The following SRSF11 variants were observed in gnomAD, a reference collection of about 807,000 sequenced individuals.
SRSF11 encodes the protein serine/arginine-rich splicing factor 11.
SRSF11 carries 9 observed loss-of-function variants against 56.0 expected under a neutral mutation model. The observed-to-expected ratio is 0.16, with a 90% CI of 0.10 to 0.28. The LOEUF (loss-of-function observed/expected upper bound fraction) is 0.28, where lower values mean the gene tolerates loss of function less well. Ranked by LOEUF, SRSF11 falls within the 10% of genes least tolerant of loss-of-function variation. SRSF11 has a pLI of 1.00. For missense variants in SRSF11, 421 were observed against 600.7 expected (o/e 0.70, Z 3.13); for synonymous variants, 222 against 215.3 (o/e 1.03, Z -0.27).
At chr1:70,221,302 G>T, upstream of SRSF11, 1 of 311,750 alleles carries the variant, frequency 3.2e-6, no homozygotes, top group Non-Finnish European at 5.9e-6. Flanking sequence ...TGCAGGCGAC[G>T]GCTGCTGGGC....
chr1:70,228,405 A>G lies in SRSF11; in HGVS notation c.204-17A>G, dbSNP rs749248871. On this transcript the variant is annotated splice_polypyrimidine_tract_variant and intron_variant, in intron 1 of 11. Coordinates refer to ENST00000370949, the MANE Select transcript of SRSF11 (RefSeq NM_001350605.2). Reference sequence around the variant, plus strand: ...TGCTATTCTGTTTCTCTTTTATGTTATTTGTTTATTTTTTAGTGATTCGCC... The same window carrying G: ...TGCTATTCTGTTTCTCTTTTATGTTGTTTGTTTATTTTTTAGTGATTCGCC... 12 of 1,582,158 alleles carry G rather than the reference A, an allele frequency of 7.6e-6. No individual in the cohort carries two copies. The highest frequency in any genetic ancestry group is 4.5e-5 in the East Asian group (2 of 44,384).
upstream of SRSF11, chr1:70,221,268 C>G (rs1670530636): frequency 7.6e-6 from 2 of 261,938 alleles, no homozygotes; most frequent in Non-Finnish European, 1.4e-5. Flanking sequence ...TTCTCTAGAC[C>G]CCGGTGCCTC....
chr1:70,218,066 G>A (rs911546591), upstream of SRSF11, among the ~76,000 whole-genome samples: 5 of 151,998 alleles, frequency 3.3e-5, no homozygotes, highest in African/African-American at 7.2e-5. Context: ...CTCGGTTCAC[G>A]CCATTCTCCC....
intron 1 of SRSF11, among the ~76,000 whole-genome samples, chr1:70,225,956 T>G (rs1381255670): frequency 6.6e-6 from 1 of 152,190 alleles, no homozygotes; most frequent in African/African-American, 2.4e-5. Flanking sequence ...ATTAGGAGGC[T>G]GAGGCGGGTG....
chr1:70,241,326 T>C (rs191693687), intron 7 of SRSF11, among the ~76,000 whole-genome samples: 65 of 152,318 alleles, frequency 4.3e-4, no homozygotes, highest in African/African-American at 1.5e-3. Flanking sequence ...TCAGAGATGA[T>C]CTTTTCACTC....
chr1:70,246,342 G>A (rs1164217341), intron 8 of SRSF11, among the ~76,000 whole-genome samples: 1 of 152,034 alleles, frequency 6.6e-6, no homozygotes, highest in Admixed American at 6.6e-5. Context: ...CATAATAGCC[G>A]CAGAAAAAGA....
In SRSF11 at chr1:70,251,269, T is replaced by C. The variant is rs999095418; in HGVS notation, c.*464T>C. Reference sequence around the variant, plus strand: ...TCCTCCAACATGATGGATCTACTTATGGTCTTGTTTGTTGACATGACAAAT... The same window carrying C: ...TCCTCCAACATGATGGATCTACTTACGGTCTTGTTTGTTGACATGACAAAT... On this transcript the variant is annotated 3_prime_UTR_variant, in exon 12 of 12. Coordinates refer to ENST00000370949, the MANE Select transcript of SRSF11 (RefSeq NM_001350605.2). 5 of 156,772 alleles carry C rather than the reference T, an allele frequency of 3.2e-5. No homozygotes were observed. Among genetic ancestry groups the C allele is most frequent in the Admixed American group, 1.9e-4 (3 of 16,186 alleles). 9.7% of individuals were successfully genotyped at this position (156,772 alleles called of 1,614,324 possible). A position where few individuals can be genotyped will look rare whatever the true frequency, so the allele number is the denominator to read the frequency against.
At chr1:70,216,188 G>T (rs1669983083) in intron 1 of SRSF11, among the ~76,000 whole-genome samples, 1 of 152,176 alleles carries the variant, frequency 6.6e-6, no homozygotes, top group Non-Finnish European at 1.5e-5. Flanking sequence ...GGACTAAGAG[G>T]ATTAGTATTG....
chr1:70,219,556 T>A (rs1670324123), upstream of SRSF11, among the ~76,000 whole-genome samples: 7 of 152,194 alleles, frequency 4.6e-5, no homozygotes, highest in Admixed American at 4.6e-4. Flanking sequence ...AACCCATGGA[T>A]ACAGATCAAA....
intron 7 of SRSF11, among the ~76,000 whole-genome samples, chr1:70,240,653 T>A (rs1031403627): frequency 1.3e-5 from 2 of 152,196 alleles, no homozygotes; most frequent in African/African-American, 2.4e-5. Flanking sequence ...CCTAGTTGCA[T>A]CCTAGTTCTT....
Position 70,237,537 on chromosome 1 carries a change from G to A in SRSF11, c.703G>A (p.Ala235Thr). 1.9e-6 allele frequency: 3 copies of A among 1,613,328 alleles called. No individual in the cohort carries two copies. The highest frequency in any genetic ancestry group is 2.5e-6 in the Non-Finnish European group (3 of 1,179,842). ...ACGAGAAGCACAGTCCCTAATTTCTGCTGCTATAGAACCAGGTAAACAATG... is the reference window on the plus strand; with the variant it reads ...ACGAGAAGCACAGTCCCTAATTTCTACTGCTATAGAACCAGGTAAACAATG... ...RVREAQSLIS[A>T]AIEPDKKEEK... is the part of the protein sequence containing the mutation. Residue 235 changes from alanine (A) to threonine (T), a missense_variant, in exon 6 of 12, where the codon GCT (alanine) becomes ACT (threonine). By Grantham distance (58) the Ala-to-Thr change is moderately conservative. Transcript: ENST00000370949.
chr1:70,237,322 A>T (rs1674347358), intron 5 of SRSF11, 103 bp from the exon 6 acceptor site: 1 of 1,437,234 alleles, frequency 7.0e-7, no homozygotes, highest in African/African-American at 1.5e-5. Flanking sequence ...CCTTTTTTTG[A>T]AGGAATATTT....
rs1370034879 is a variant in SRSF11 at position 70,244,824 on chromosome 1, T to C, written c.932+9T>C. On this transcript the variant is annotated intron_variant, in intron 8 of 11. Transcript: ENST00000370949. ...AGCACATCAAAAACAAGGTATAGCATTGGGTGAGAAAGCAAATTTTAGGGT... is the reference window on the plus strand; with the variant it reads ...AGCACATCAAAAACAAGGTATAGCACTGGGTGAGAAAGCAAATTTTAGGGT... 6 of 1,613,404 alleles carry C rather than the reference T, an allele frequency of 3.7e-6. No homozygotes were observed. Among genetic ancestry groups the C allele is most frequent in the Non-Finnish European group, 4.2e-6 (5 of 1,179,622 alleles).
At chr1:70,246,597 G>A in intron 8 of SRSF11, 1 of 355,674 alleles carries the variant, frequency 2.8e-6, no homozygotes, top group Non-Finnish European at 5.1e-6. Flanking sequence ...GTCTACTTTA[G>A]TCTACTTGGG....
chr1:70,239,306 G>A (rs558590793), intron 6 of SRSF11, 133 bp from the exon 7 acceptor site: 9 of 610,062 alleles, frequency 1.5e-5, no homozygotes, highest in East Asian at 5.9e-5. Context: ...TGCCCAGGCT[G>A]GTCTTGAACT....
At chr1:70,234,931 C>T (rs759191524) in intron 4 of SRSF11, 143 bp downstream of exon 4, 4 of 612,426 alleles carry the variant, frequency 6.5e-6, no homozygotes, top group South Asian at 2.4e-5. Context: ...GAGCTTTAAA[C>T]AGTCACTGAA....
intron 7 of SRSF11, among the ~76,000 whole-genome samples, chr1:70,242,392 C>T (rs186616441): frequency 6.6e-6 from 1 of 152,008 alleles, no homozygotes; most frequent in East Asian, 1.9e-4. Context: ...CCCCACCAGG[C>T]TCAAGCCATC....
chr1:70,238,244 C>T (rs1674547140), intron 6 of SRSF11, among the ~76,000 whole-genome samples: 2 of 152,144 alleles, frequency 1.3e-5, no homozygotes, highest in Admixed American at 1.3e-4. Context: ...AGTTACATGG[C>T]AAGCAGTAGG....
chr1:70,234,433 A>C (rs1571791887), intron 3 of SRSF11, among the ~76,000 whole-genome samples: 1 of 152,276 alleles, frequency 6.6e-6, no homozygotes, highest in Non-Finnish European at 1.5e-5. Context: ...TGGGTGGAAC[A>C]TGGGTGTCAT....
Sources: allele counts gnomAD v4.1 joint callset (sites outside exome capture counted in the v4.1 genomes callset), GRCh38; gene constraint gnomAD v4.1.1; transcripts MANE v1.5; gene names NCBI Gene and HGNC (gene_info 2026-07-23, HGNC 2026-07-21).